The following LRP5 variants were observed in gnomAD, a reference collection of about 807,000 sequenced individuals.
LRP5 encodes low-density lipoprotein receptor-related protein 5.
In LRP5, 62 loss-of-function variants were observed where a neutral mutation model predicts 154.1. The observed-to-expected ratio is 0.40, with a 90% CI of 0.33 to 0.50. LRP5 has a LOEUF of 0.50. Among genes scored for constraint, LRP5 ranks in the 20% least tolerant of loss-of-function variants. The pLI, the probability that LRP5 is intolerant of heterozygous loss-of-function variation, is 0.55. For missense variants in LRP5, 1,915 were observed against 2,336.7 expected, an observed-to-expected ratio of 0.82 and a Z score of 3.72; for synonymous variants, 966 against 1,011.5, an observed-to-expected ratio of 0.96 and a Z score of 0.85.
At chr11:68,357,537 G>T in intron 2 of LRP5, 113 bp from the exon 3 acceptor site, 1 of 969,916 alleles carries the variant, frequency 1.0e-6, no homozygotes, top group Non-Finnish European at 1.6e-6. Flanking sequence ...TATTTCCGAT[G>T]GGTGAGATTT....
intron 5 of LRP5, among the ~76,000 whole-genome samples, chr11:68,382,425 C>G (rs1342629261): frequency 2.0e-5 from 3 of 152,232 alleles, no homozygotes; most frequent in South Asian, 2.1e-4. Flanking sequence ...GAGCAGACCT[C>G]TCAATCTCAG....
intron 12 of LRP5, among the ~76,000 whole-genome samples, chr11:68,414,222 C>T (rs2098661262): frequency 6.6e-6 from 1 of 152,136 alleles, no homozygotes; most frequent in Non-Finnish European, 1.5e-5. Context: ...AGATAAATGG[C>T]CAAAACTCCT....
At chr11:68,309,747 C>T (rs1052745758), upstream of LRP5, among the ~76,000 whole-genome samples, 6 of 152,162 alleles carry the variant, frequency 3.9e-5, no homozygotes, top group African/African-American at 1.4e-4. Flanking sequence ...CATCCTGGGC[C>T]CCCTTCCCTT....
intron 17 of LRP5, among the ~76,000 whole-genome samples, chr11:68,431,656 G>A (rs1049794345): frequency 6.6e-6 from 1 of 152,180 alleles, no homozygotes; most frequent in African/African-American, 2.4e-5. Context: ...GTAAGCAGAG[G>A]GGACATTTTG....
intron 4 of LRP5, 68 bp downstream of exon 4, chr11:68,364,011 GAGT>G: frequency 2.3e-6 from 1 of 437,720 alleles, no homozygotes; most frequent in South Asian, 2.4e-5. Context: ...CGGGGCAGGG[GAGT>G]GGGAGGATGC....
the LRP5 span, among the ~76,000 whole-genome samples, chr11:68,301,915 A>G: frequency 6.6e-6 from 1 of 151,800 alleles, no homozygotes; most frequent in Non-Finnish European, 1.5e-5. Context: ...GGCGTGAGCC[A>G]CCGCTCCCAG....
intron 2 of LRP5, among the ~76,000 whole-genome samples, chr11:68,351,761 G>T (rs181743254): frequency 6.6e-6 from 1 of 152,186 alleles, no homozygotes; most frequent in Non-Finnish European, 1.5e-5. Context: ...TGAAAGGGAC[G>T]TGTGCGTAGG....
At chr11:68,436,284 A>T (rs2098674853) in intron 18 of LRP5, among the ~76,000 whole-genome samples, 1 of 151,918 alleles carries the variant, frequency 6.6e-6, no homozygotes, top group South Asian at 2.1e-4. Flanking sequence ...TGGGGAACTG[A>T]GCAAGTTCTC....
intron 18 of LRP5, among the ~76,000 whole-genome samples, chr11:68,436,161 C>G (rs1030156563): frequency 2.6e-5 from 4 of 152,244 alleles, no homozygotes; most frequent in African/African-American, 7.2e-5. Context: ...GCTGCATGCT[C>G]TGTTCCAGAA....
chr11:68,439,968 C>T (rs2153182158), intron 21 of LRP5, 52 bp downstream of exon 21: 1 of 1,464,274 alleles, frequency 6.8e-7, no homozygotes, highest in South Asian at 1.3e-5. Context: ...GTGGGCCCCT[C>T]CCACCGTCAG....
At chr11:68,379,226 G>T (rs1031242942) in intron 5 of LRP5, among the ~76,000 whole-genome samples, 7 of 152,118 alleles carry the variant, frequency 4.6e-5, no homozygotes, top group African/African-American at 1.7e-4. Flanking sequence ...CCGTCACCTT[G>T]AATGCCCTCG....
At chr11:68,399,694 G>C (rs1340109920) in intron 7 of LRP5, among the ~76,000 whole-genome samples, 2 of 152,184 alleles carry the variant, frequency 1.3e-5, no homozygotes, top group East Asian at 3.9e-4. Flanking sequence ...CTCGGCTCAG[G>C]CATTCTTGGA....
intron 9 of LRP5, among the ~76,000 whole-genome samples, chr11:68,407,869 G>C (rs1015817728): frequency 1.3e-5 from 2 of 152,024 alleles, no homozygotes; most frequent in Admixed American, 1.3e-4. Flanking sequence ...AGTTTGATTG[G>C]TGTAACCAAA....
intron 7 of LRP5, among the ~76,000 whole-genome samples, chr11:68,401,768 A>G (rs1235664831): frequency 1.3e-5 from 2 of 151,970 alleles, no homozygotes; most frequent in Non-Finnish European, 2.9e-5. Context: ...GGCTCACTGC[A>G]ATCTTCGCTA....
At chr11:68,363,970 G>T (rs753612078) in intron 4 of LRP5, 27 bp downstream of exon 4, 1 of 1,441,314 alleles carries the variant, frequency 6.9e-7, no homozygotes, top group Non-Finnish European at 9.4e-7. Context: ...GCGCGGGGGC[G>T]AGGGTGCGGG....
chr11:68,348,038 A>T lies in LRP5; in HGVS notation c.283A>T (p.Thr95Ser), dbSNP rs771960523. 1 of 1,614,084 alleles carries T rather than the reference A, an allele frequency of 6.2e-7. No individual in the cohort carries two copies. The highest frequency in any genetic ancestry group is 2.2e-5 in the East Asian group (1 of 44,874). ...EAIKQTYLNQ[T>S]GAAVQNVVIS... Reference sequence around the variant, plus strand: ...CATCAAGCAGACCTACCTGAACCAGACGGGGGCCGCCGTGCAGAACGTGGT... The same window carrying T: ...CATCAAGCAGACCTACCTGAACCAGTCGGGGGCCGCCGTGCAGAACGTGGT... The change falls in exon 2 of 23, where the codon ACG (threonine) becomes TCG (serine). Residue 95 changes from threonine (T) to serine (S), a missense_variant. Thr to Ser is a moderately conservative substitution (Grantham distance 58). Around this residue, in one of 3 missense-constraint regions of LRP5, gnomAD observed 773 missense variants for 1,100.9 expected, o/e 0.70. Coordinates refer to ENST00000294304, the MANE Select transcript of LRP5 (RefSeq NM_002335.4).
rs151017986 is a variant in LRP5, at chr11:68,416,248, C to T, written c.2828-80C>T. 3.0e-4 allele frequency: 380 copies of T among 1,247,558 alleles called. 1 individual carries two copies. The African/African-American group carries it at 4.9e-3, about 16-fold the overall frequency. 77.3% of individuals were successfully genotyped at this position (1,247,558 alleles called of 1,614,324 possible). On this transcript the variant is annotated intron_variant, in intron 12 of 22. Coordinates refer to ENST00000294304, the MANE Select transcript of LRP5 (RefSeq NM_002335.4). ...GGGCAGATGCTGAGCCGCCTGTTGT[C>T]GAGTGGCGTGCTATCCCGTCCTCCA...
Position 68,389,833 on chromosome 11 carries a change from A to C in LRP5, c.1413-48A>C, listed in dbSNP as rs755862022. 3 of 1,609,460 alleles carry C rather than the reference A, an allele frequency of 1.9e-6. No homozygotes were observed. The Admixed American group carries it at 5.0e-5, about 27-fold the overall frequency. ...TTGCTCTTGGCACTGGGGATGCTGC[A>C]GAGACCAGACAGACTCATGGGGTCA... On this transcript the variant is annotated intron_variant, in intron 6 of 22. Coordinates refer to ENST00000294304, the MANE Select transcript of LRP5 (RefSeq NM_002335.4).
At chr11:68,404,284 C>T (rs527455085) in intron 8 of LRP5, 24 of 529,130 alleles carry the variant, frequency 4.5e-5, no homozygotes, top group South Asian at 2.3e-4. Context: ...CTGGGGCTCG[C>T]GGGCAGGGAC....
Sources: gnomAD v4.1 joint callset for allele counts (sites outside exome capture counted in the v4.1 genomes callset) on GRCh38, gnomAD v4.1.1 for gene constraint, gnomAD v4.1.1 regional missense constraint, MANE v1.5 for transcripts, NCBI Gene and HGNC (gene_info 2026-07-23, HGNC 2026-07-21) for gene names.